GTF2IRD1: variants seen among roughly 807,000 people sequenced by gnomAD.
GTF2IRD1 encodes the protein general transcription factor II-I repeat domain-containing protein 1.
In GTF2IRD1, 26 loss-of-function variants were observed where a neutral mutation model predicts 113.2. The ratio of observed to expected loss-of-function variants is 0.23; its 90% confidence interval spans 0.17 to 0.32. GTF2IRD1 has a LOEUF of 0.32. Ranked by LOEUF, GTF2IRD1 falls within the 10% of genes least tolerant of loss-of-function variation. GTF2IRD1 has a pLI of 1.00. For synonymous variants in GTF2IRD1, 484 were observed against 529.1 expected (o/e 0.91, Z 1.17); for missense variants, 864 against 1,280.8 (o/e 0.67, Z 4.97).
At chr7:74,467,151 G>C (rs1793773861) in intron 1 of GTF2IRD1, among the ~76,000 whole-genome samples, 1 of 152,066 alleles carries the variant, frequency 6.6e-6, no homozygotes, top group African/African-American at 2.4e-5. Flanking sequence ...GTTTCATCAT[G>C]TTGGCCAGGC....
intron 1 of GTF2IRD1, among the ~76,000 whole-genome samples, chr7:74,467,920 C>A (rs1164701987): frequency 1.3e-5 from 2 of 152,148 alleles, no homozygotes; most frequent in African/African-American, 4.8e-5. Context: ...GTCTTGAACT[C>A]CTGTCCTCAG....
At chr7:74,588,106 C>CTTTTTTT (rs781908698) in intron 22 of GTF2IRD1, among the ~76,000 whole-genome samples, 4 of 135,024 alleles carry the variant, frequency 3.0e-5, no homozygotes, top group Non-Finnish European at 4.8e-5. Context: ...CTTTTCTTTT[C>CTTTTTTT]TTTTTTTTTT....
intron 22 of GTF2IRD1, among the ~76,000 whole-genome samples, chr7:74,576,877 T>A (rs1209609906): frequency 1.3e-5 from 2 of 151,962 alleles, no homozygotes; most frequent in Non-Finnish European, 2.9e-5. Context: ...CACTTTGGCC[T>A]TCCAAAGTGC....
At chr7:74,574,068 C>T (rs1800851534) in intron 22 of GTF2IRD1, among the ~76,000 whole-genome samples, 2 of 152,022 alleles carry the variant, frequency 1.3e-5, no homozygotes, top group Non-Finnish European at 2.9e-5. Context: ...ACTGCAACCT[C>T]CGCCTCCCGG....
chr7:74,577,462 G>A (rs587603158), intron 22 of GTF2IRD1, among the ~76,000 whole-genome samples: 3 of 152,102 alleles, frequency 2.0e-5, no homozygotes, highest in South Asian at 4.2e-4. Flanking sequence ...TTGACTCTTC[G>A]TGCCTAAATG....
In GTF2IRD1 at chr7:74,471,690, C is replaced by CA. The variant is rs1195034410; in HGVS notation, c.-7+17525dup. On this transcript the variant is annotated intron_variant, in intron 1 of 26. Transcript: ENST00000424337. ...AAATATTTAAAAAAAAAAAAAAAAACAAAAAAAAAAACAAAAAAAACGGCC... is the reference window on the plus strand; with the variant it reads ...AAATATTTAAAAAAAAAAAAAAAAACAAAAAAAAAAAACAAAAAAAACGGCC... Among the ~76,000 whole-genome samples the CA allele has an allele frequency of 8.2e-3, 331 of 40,316 alleles. 7 individuals are homozygous for CA. In the East Asian group the frequency reaches 0.098, roughly 12 times the overall value. 26.4% of individuals were successfully genotyped at this position (40,316 alleles called of 152,430 possible).
chr7:74,568,757 A>G (rs1361353941), intron 22 of GTF2IRD1, among the ~76,000 whole-genome samples: 1 of 152,152 alleles, frequency 6.6e-6, no homozygotes, highest in Admixed American at 6.6e-5. Context: ...AGGGAGGGAC[A>G]GGGGAGGGTG....
intron 1 of GTF2IRD1, among the ~76,000 whole-genome samples, chr7:74,498,083 T>G (rs1314138442): frequency 6.6e-6 from 1 of 152,196 alleles, no homozygotes; most frequent in Non-Finnish European, 1.5e-5. Flanking sequence ...TTTAGTGATG[T>G]TGGACATCTT....
In GTF2IRD1 at chr7:74,590,943, G is replaced by A. The variant is rs113892752; in HGVS notation, c.2517G>A (p.Thr839=). 3.3e-5 allele frequency: 54 copies of A among 1,613,596 alleles called. No homozygotes were observed. Among genetic ancestry groups the A allele is most frequent in the African/African-American group, 2.9e-4 (22 of 75,008 alleles). ...ACATCCCCTTCCGGAACCCCAACAC[G>A]TACGACATCCACCGGCTGGAGAAGA... ...PDDIPFRNPN[T]YDIHRLEKIL... is the part of the protein sequence containing the mutation. The change falls in exon 24 of 27, where the codon ACG becomes ACA. Residue 839 remains threonine (T), a synonymous_variant. Coordinates refer to ENST00000424337, the MANE Select transcript of GTF2IRD1 (RefSeq NM_005685.4).
chr7:74,471,628 T>C (rs1794091434), intron 1 of GTF2IRD1, among the ~76,000 whole-genome samples: 1 of 139,350 alleles, frequency 7.2e-6, no homozygotes, highest in Non-Finnish European at 1.5e-5. Context: ...CTATGTTTAC[T>C]GGGTAACATA....
At chr7:74,521,175 C>T (rs879945878) in intron 6 of GTF2IRD1, 33 bp from the exon 7 acceptor site, 2 of 1,347,274 alleles carry the variant, frequency 1.5e-6, no homozygotes, top group African/African-American at 2.9e-5. Context: ...TTGGGTCCCA[C>T]CTGGAACCTT....
In GTF2IRD1 at chr7:74,465,555, G is replaced by C. The variant is rs1474452974; in HGVS notation, c.-7+11379G>C. On this transcript the variant is annotated intron_variant, in intron 1 of 26. Transcript: ENST00000424337. ...TATTGCCAGGTTCTTGGGAAAATCA[G>C]TGTATTCAGTTGCGGGGAGCTAGCT... Among the ~76,000 whole-genome samples the C allele has an allele frequency of 4.6e-5, 7 of 152,174 alleles. No homozygotes were observed. In the East Asian group the frequency reaches 1.3e-3, roughly 29 times the overall value.
At chr7:74,503,615 G>C (rs1554340116) in intron 1 of GTF2IRD1, among the ~76,000 whole-genome samples, 1 of 152,194 alleles carries the variant, frequency 6.6e-6, no homozygotes. Flanking sequence ...CAGGCGTGGT[G>C]GTGGGCACCT....
chr7:74,526,180 T>C (rs1256732784), intron 8 of GTF2IRD1, among the ~76,000 whole-genome samples: 1 of 152,254 alleles, frequency 6.6e-6, no homozygotes, highest in Non-Finnish European at 1.5e-5. Context: ...GCCAGTGTTC[T>C]GGCCTGTCCC....
At chr7:74,459,998 T>A (rs1369245611) in intron 1 of GTF2IRD1, among the ~76,000 whole-genome samples, 2 of 151,552 alleles carry the variant, frequency 1.3e-5, no homozygotes, top group Admixed American at 1.3e-4. Flanking sequence ...TGTATTGAAA[T>A]GAGGTCTCAC....
At chr7:74,539,589 C>G (rs1327543519) in intron 13 of GTF2IRD1, among the ~76,000 whole-genome samples, 2 of 151,950 alleles carry the variant, frequency 1.3e-5, no homozygotes, top group African/African-American at 4.8e-5. Context: ...ACTAAAAATA[C>G]AAAAATAAGC....
chr7:74,486,190 C>G (rs1273989662), intron 1 of GTF2IRD1, among the ~76,000 whole-genome samples: 2 of 152,054 alleles, frequency 1.3e-5, no homozygotes, highest in African/African-American at 4.8e-5. Flanking sequence ...AGGCTGGTCT[C>G]GAACTCTTGA....
chr7:74,481,085 T>C (rs868970224), intron 1 of GTF2IRD1, among the ~76,000 whole-genome samples: 2 of 152,212 alleles, frequency 1.3e-5, no homozygotes, highest in Non-Finnish European at 2.9e-5. Flanking sequence ...GGGCCAACTT[T>C]CCTGTCATGG....
At chr7:74,544,299 C>T (rs1340999779) in intron 14 of GTF2IRD1, among the ~76,000 whole-genome samples, 1 of 152,226 alleles carries the variant, frequency 6.6e-6, no homozygotes, top group African/African-American at 2.4e-5. Flanking sequence ...GATTCTCCTG[C>T]CTCAGCCTCC....
Sources: allele counts gnomAD v4.1 joint callset (sites outside exome capture counted in the v4.1 genomes callset), GRCh38; gene constraint gnomAD v4.1.1; transcripts MANE v1.5; gene names NCBI Gene and HGNC (gene_info 2026-07-23, HGNC 2026-07-21).